Variants in DNMT3A observed in about 807,000 individuals in gnomAD.
The protein encoded by DNMT3A is DNA methyltransferase 3 alpha, also known as DNA (cytosine-5)-methyltransferase 3A.
DNMT3A carries 267 observed loss-of-function variants against 117.6 expected under a neutral mutation model. That is an observed-to-expected ratio of 2.27 (90% CI 2.05 to 2.51). The LOEUF is 2.51. Ranked by LOEUF, DNMT3A falls within the 30% of genes most tolerant of loss-of-function variation. The pLI, the probability that DNMT3A is intolerant of heterozygous loss-of-function variation, is 0.00. For synonymous variants in DNMT3A, 432 were observed against 474.8 expected (o/e 0.91, Z 1.17); for missense variants, 1,029 against 1,260.2 (o/e 0.82, Z 2.78).
At position 25,240,638 on chromosome 2, in the gene DNMT3A, A is replaced by C; in HGVS notation, c.2173+2T>G. On this transcript the variant is annotated splice_donor_variant, in intron 18 of 22. Transcript: ENST00000321117. LOFTEE classifies it high-confidence loss of function. Reference sequence around the variant, plus strand: ...AGGTGGAGGGGACAGGATGGTACCTACCGTAGAGGCCCTTGCGAGCAGGGT... The same window carrying C: ...AGGTGGAGGGGACAGGATGGTACCTCCCGTAGAGGCCCTTGCGAGCAGGGT... 6.2e-7 allele frequency: 1 copy of C among 1,614,178 alleles called. No individual in the cohort carries two copies. The highest frequency in any genetic ancestry group is 8.5e-7 in the Non-Finnish European group (1 of 1,180,000).
At position 25,313,958 on chromosome 2, in the gene DNMT3A, G is replaced by A. The variant is rs41284843; in HGVS notation, c.27C>T (p.Pro9=). 0.098 allele frequency: 151,926 copies of A among 1,549,098 alleles called. 7,966 individuals carry two copies. The highest frequency in any genetic ancestry group is 0.17 in the South Asian group (14,169 of 83,812). ...CCGCAGCAGAGCTGCTGGTGTCCCC[G>A]GGGCCGCTGGAGGGCATGGCGGGCA... MPAMPSSG[P]GDTSSSAAER... is the part of the protein sequence containing the mutation. Residue 9 remains proline (P), a synonymous_variant, in exon 2 of 23, where the codon CCC becomes CCT. Coordinates refer to ENST00000321117, the MANE Select transcript of DNMT3A (RefSeq NM_022552.5).
Position 25,233,210 on chromosome 2 carries a change from G to A in DNMT3A, c.*1069C>T, listed in dbSNP as rs1037383409. Reference sequence around the variant, plus strand: ...CCCACTCTCAGCTGTCCACGGGCCCGACCACCTCATCTAGCCCCCTTTTTG... The same window carrying A: ...CCCACTCTCAGCTGTCCACGGGCCCAACCACCTCATCTAGCCCCCTTTTTG... On this transcript the variant is annotated 3_prime_UTR_variant, in exon 23 of 23. Transcript: ENST00000321117. 25 of 233,466 alleles carry A rather than the reference G, an allele frequency of 1.1e-4. No individual in the cohort carries two copies. The highest frequency in any genetic ancestry group is 2.8e-4 in the Admixed American group (5 of 17,770). 14.5% of individuals were successfully genotyped at this position (233,466 alleles called of 1,614,324 possible). A position where few individuals can be genotyped will look rare whatever the true frequency, so the allele number is the denominator to read the frequency against.
In DNMT3A at chr2:25,234,925, T is replaced by G. The variant is rs1157919535; in HGVS notation, c.2598-505A>C. On this transcript the variant is annotated intron_variant, in intron 22 of 22. Transcript: ENST00000321117. The surrounding 1 kb of genome is among the most constrained non-coding windows in gnomAD (Gnocchi z 4.5). Reference sequence around the variant, plus strand: ...CTGAAGGATTTCCTGTTTGCTCTGGTTGTTTGTGTAAATGGTCTCTTTGTC... The same window carrying G: ...CTGAAGGATTTCCTGTTTGCTCTGGGTGTTTGTGTAAATGGTCTCTTTGTC... Among the ~76,000 whole-genome samples the G allele has an allele frequency of 1.3e-5, 2 of 152,162 alleles. No individual in the cohort carries two copies. The highest frequency in any genetic ancestry group is 3.8e-4 in the East Asian group (2 of 5,196).
Position 25,252,287 on chromosome 2 carries a change from A to G in DNMT3A, c.640-4035T>C. ...GTAGCTGCCCGTCTTGGGGGAGGGG[A>G]AGGGGGCGATGGGGCTGGGGGCGGA... On this transcript the variant is annotated intron_variant, in intron 6 of 22. Coordinates refer to ENST00000321117, the MANE Select transcript of DNMT3A (RefSeq NM_022552.5). The surrounding 1 kb of genome is among the most constrained non-coding windows in gnomAD (Gnocchi z 5.5). The G allele has an allele frequency of 3.7e-6, 3 of 810,962 alleles. No homozygotes were observed. The highest frequency in any genetic ancestry group is 3.2e-6 in the Non-Finnish European group (2 of 625,772). The allele number at this position is 810,962 out of a possible 1,614,324, so 50.2% of individuals were successfully genotyped here.
intron 2 of DNMT3A, 136 bp downstream of exon 2, chr2:25,313,777 G>A (rs925022929): frequency 1.5e-6 from 2 of 1,322,716 alleles, no homozygotes; most frequent in African/African-American, 1.5e-5. Flanking sequence ...AAACAGGGAT[G>A]TGATGGTCCC....
intron 2 of DNMT3A, among the ~76,000 whole-genome samples, chr2:25,307,722 TC>T (rs2033861387): frequency 6.6e-6 from 1 of 152,184 alleles, no homozygotes; most frequent in Admixed American, 6.5e-5. Context: ...TGCCTTGGCC[TC>T]CCACAGTGCT....
chr2:25,234,054 G>T lies in DNMT3A; in HGVS notation c.*225C>A. ...GGGAGCTTGGTTTTGTTTTTAAATA[G>T]GACTGAAGAATAACATTGAAAAATC... On this transcript the variant is annotated 3_prime_UTR_variant, in exon 23 of 23. Coordinates refer to ENST00000321117, the MANE Select transcript of DNMT3A (RefSeq NM_022552.5). This position sits in a 1 kb window ranked among gnomAD's most constrained non-coding sequence, Gnocchi z 4.5. 1 of 561,938 alleles carries T rather than the reference G, an allele frequency of 1.8e-6. No homozygotes were observed. Among genetic ancestry groups the T allele is most frequent in the Non-Finnish European group, 2.8e-6 (1 of 359,216 alleles). The allele number at this position is 561,938 out of a possible 1,614,324, so 34.8% of individuals were successfully genotyped here. A position where few individuals can be genotyped will look rare whatever the true frequency, so the allele number is the denominator to read the frequency against.
rs1474463141 is a variant in DNMT3A at position 25,247,133 on chromosome 2, A to G, written c.1040T>C (p.Leu347Pro). The change falls in exon 9 of 23, where the codon CTG (leucine) becomes CCG (proline). Residue 347 changes from leucine (L) to proline (P), a missense_variant. By Grantham distance (98) the Leu-to-Pro change is moderately conservative. Coordinates refer to ENST00000321117, the MANE Select transcript of DNMT3A (RefSeq NM_022552.5). This position sits in a 1 kb window ranked among gnomAD's most constrained non-coding sequence, Gnocchi z 5.6. ...SVVCVEKLMP[L>P]SSFCSAFHQA... ...GTGGAACGCACTGCAAAACGAGCTC[A>G]GCGGCATCAGCTTCTCAACACACAC... The G allele has an allele frequency of 3.1e-6, 5 of 1,613,926 alleles. No homozygotes were observed. Among genetic ancestry groups the G allele is most frequent in the Non-Finnish European group, 3.4e-6 (4 of 1,179,964 alleles).
rs979621389 is a variant in DNMT3A at position 25,306,595 on chromosome 2, CA to C, written c.73-6353del. Reference sequence around the variant, plus strand: ...CCATCTGGTTCCCAGGCCCTCGTGCCAGGGCTGCAGCCCCTTGTCCACAGCC... The same window carrying C: ...CCATCTGGTTCCCAGGCCCTCGTGCCGGGCTGCAGCCCCTTGTCCACAGCC... On this transcript the variant is annotated intron_variant, in intron 2 of 22. Coordinates refer to ENST00000321117, the MANE Select transcript of DNMT3A (RefSeq NM_022552.5). The surrounding 1 kb of genome is among the most constrained non-coding windows in gnomAD (Gnocchi z 4.1). Among the ~76,000 whole-genome samples, 8 of 152,166 alleles carry C rather than the reference CA, an allele frequency of 5.3e-5. No homozygotes were observed. The highest frequency in any genetic ancestry group is 1.9e-4 in the African/African-American group (8 of 41,440).
At chr2:25,315,245 G>C (rs756157366) in intron 1 of DNMT3A, among the ~76,000 whole-genome samples, 1 of 152,210 alleles carries the variant, frequency 6.6e-6, no homozygotes. Flanking sequence ...CCGGGAGAAA[G>C]CACAGGCTTG....
rs1573484561 is a variant in DNMT3A, at chr2:25,315,268, G to A, written c.-177-1107C>T. Reference sequence around the variant, plus strand: ...AAGCACAGGCTTGGCTCTCCTACAGGCCTAGCCCCTTTCTCCAGGGGTGCA... The same window carrying A: ...AAGCACAGGCTTGGCTCTCCTACAGACCTAGCCCCTTTCTCCAGGGGTGCA... On this transcript the variant is annotated intron_variant, in intron 1 of 22. Coordinates refer to ENST00000321117, the MANE Select transcript of DNMT3A (RefSeq NM_022552.5). 3.3e-5 allele frequency among the ~76,000 whole-genome samples: 5 copies of A among 152,346 alleles called. No individual in the cohort carries two copies. In the South Asian group the frequency reaches 1.0e-3, roughly 32 times the overall value.
In DNMT3A at chr2:25,261,878, T is replaced by G. The variant is rs116039372; in HGVS notation, c.639+13063A>C. Among the ~76,000 whole-genome samples, 700 of 152,098 alleles carry G rather than the reference T, an allele frequency of 4.6e-3. 7 individuals carry two copies. Among genetic ancestry groups the G allele is most frequent in the African/African-American group, 0.016 (672 of 41,496 alleles). The stretch of plus-strand genomic sequence containing the variant: ...TGCGTCCCCTCCATGAGGACCACCC[T>G]GGAATCTGACTAAACCTGTCCCCTG... On this transcript the variant is annotated intron_variant, in intron 6 of 22. Transcript: ENST00000321117.
At chr2:25,303,241 A>C (rs2033612726) in intron 2 of DNMT3A, among the ~76,000 whole-genome samples, 1 of 152,236 alleles carries the variant, frequency 6.6e-6, no homozygotes, top group South Asian at 2.1e-4. Flanking sequence ...GTGAAAGGGA[A>C]CCACAGTTAC....
chr2:25,235,596 C>T, intron 22 of DNMT3A, 111 bp downstream of exon 22: 1 of 834,318 alleles, frequency 1.2e-6, no homozygotes, highest in South Asian at 1.6e-5. Flanking sequence ...ACCCACTGTT[C>T]CCAGGACGTT....
At chr2:25,245,463 GC>G in intron 12 of DNMT3A, 131 bp from the exon 13 acceptor site, 1 of 764,246 alleles carries the variant, frequency 1.3e-6, no homozygotes, top group Non-Finnish European at 2.1e-6. Flanking sequence ...AGTCCAGGGT[GC>G]CCCACGGAAA....
chr2:25,325,616 ATAT>A (rs2034757621), intron 1 of DNMT3A, among the ~76,000 whole-genome samples: 2 of 152,178 alleles, frequency 1.3e-5, no homozygotes, highest in Admixed American at 6.5e-5. Flanking sequence ...CACCAGGGAC[ATAT>A]TATAATGCTT....
At position 25,236,241 on chromosome 2, in the gene DNMT3A, T is replaced by C. The variant is rs187254288; in HGVS notation, c.2479-416A>G. Among the ~76,000 whole-genome samples the C allele has an allele frequency of 6.6e-6, 1 of 152,152 alleles. No individual in the cohort carries two copies. Among genetic ancestry groups the C allele is most frequent in the East Asian group, 1.9e-4 (1 of 5,198 alleles). On this transcript the variant is annotated intron_variant, in intron 21 of 22. Transcript: ENST00000321117. The surrounding 1 kb of genome is among the most constrained non-coding windows in gnomAD (Gnocchi z 4.5). Reference sequence around the variant, plus strand: ...CCACCATGCCTGGCTAATTTTTATATTTTTAGTCAGACAGGGTTTCACCGT... The same window carrying C: ...CCACCATGCCTGGCTAATTTTTATACTTTTAGTCAGACAGGGTTTCACCGT...
In DNMT3A at chr2:25,293,953, G is replaced by T. The variant is rs192014131; in HGVS notation, c.177+6186C>A. On this transcript the variant is annotated intron_variant, in intron 3 of 22. Transcript: ENST00000321117. The surrounding 1 kb of genome is among the most constrained non-coding windows in gnomAD (Gnocchi z 4.7). ...CTCAAAGTGGTGGGATTACAGGTGT[G>T]AGCCATTGCACCCAGCCCCGTATAC... Among the ~76,000 whole-genome samples, 163 of 152,320 alleles carry T rather than the reference G, an allele frequency of 1.1e-3. No homozygotes were observed. The highest frequency in any genetic ancestry group is 3.8e-3 in the African/African-American group (157 of 41,572).
At chr2:25,243,847 C>T in intron 16 of DNMT3A, 51 bp downstream of exon 16, 1 of 1,544,810 alleles carries the variant, frequency 6.5e-7, no homozygotes, top group Non-Finnish European at 8.8e-7. Context: ...ACACCTGGCT[C>T]CCCCATCCTG....
Sources: allele counts gnomAD v4.1 joint callset (sites outside exome capture counted in the v4.1 genomes callset), GRCh38; gene constraint gnomAD v4.1.1; non-coding constraint Gnocchi (gnomAD v3.1); transcripts MANE v1.5; gene names NCBI Gene and HGNC (gene_info 2026-07-23, HGNC 2026-07-21).